WNK2: variants seen among roughly 807,000 people sequenced by gnomAD.
WNK2 encodes the protein serine/threonine-protein kinase WNK2.
A neutral mutation model predicts 192.1 loss-of-function variants in WNK2; 67 were observed. The ratio of observed to expected loss-of-function variants is 0.35; its 90% CI spans 0.29 to 0.43. The LOEUF (loss-of-function observed/expected upper bound fraction) is 0.43. WNK2 is among the 20% of genes least tolerant of loss of function. WNK2 has a pLI of 1.00. For synonymous variants in WNK2, 1,439 were observed against 1,393.9 expected, an observed-to-expected ratio of 1.03 and a Z score of -0.72; for missense variants, 2,698 against 3,089.7, an observed-to-expected ratio of 0.87 and a Z score of 3.01.
intron 5 of WNK2, among the ~76,000 whole-genome samples, chr9:93,235,232 C>T (rs918721734): frequency 1.3e-5 from 2 of 152,162 alleles, no homozygotes; most frequent in East Asian, 1.9e-4. Flanking sequence ...TGGAGGCTGT[C>T]GCTCTCACAG....
chr9:93,272,903 G>A (rs895530669), intron 19 of WNK2, among the ~76,000 whole-genome samples: 7 of 152,054 alleles, frequency 4.6e-5, no homozygotes, highest in South Asian at 4.1e-4. Flanking sequence ...GTTTTAACAC[G>A]TCAATTAAAA....
At chr9:93,286,561 T>A (rs1054056523) in intron 19 of WNK2, among the ~76,000 whole-genome samples, 2 of 152,218 alleles carry the variant, frequency 1.3e-5, no homozygotes, top group African/African-American at 4.8e-5. Context: ...TGCAGTGTGG[T>A]GTGAGTGTAA....
chr9:93,264,722 C>A (rs1345624636), intron 16 of WNK2, among the ~76,000 whole-genome samples: 1 of 152,220 alleles, frequency 6.6e-6, no homozygotes, highest in Admixed American at 6.5e-5. Flanking sequence ...TCTCCCCAGA[C>A]CATTATTCCT....
In WNK2 at chr9:93,263,714, C is replaced by T; in HGVS notation, c.3559C>T (p.Pro1187Ser). The T allele has an allele frequency of 6.6e-7, 1 of 1,518,628 alleles. No homozygotes were observed. Among genetic ancestry groups the T allele is most frequent in the Non-Finnish European group, 8.8e-7 (1 of 1,137,676 alleles). 94.1% of individuals were successfully genotyped at this position (1,518,628 alleles called of 1,614,324 possible). The part of the protein sequence containing the change: ...ARSRQERASR[P>S]RLTILNVCNT... ...CTCCCGGCAGGAGAGGGCCAGCCGG[C>T]CCCGGCTTACCATCTTGAACGTGAG... Residue 1187 changes from proline to serine, a missense_variant, in exon 15 of 30, where the codon CCC becomes TCC. Physicochemically the swap from Pro to Ser is moderately conservative, Grantham distance 74. Coordinates refer to ENST00000427277, the MANE Select transcript of WNK2 (RefSeq NM_006648.4).
At position 93,267,888 on chromosome 9, in the gene WNK2, T is replaced by C; in HGVS notation, c.3839T>C (p.Leu1280Pro). ...GACCCAGGGACCAGCCCGCCACACC[T>C]CAGCACCTGCGGCCTGGGCACCGGG... ...GSDPGTSPPH[L>P]STCGLGTGEE... is the part of the protein sequence containing the mutation. The change falls in exon 17 of 30, where the codon CTC (leucine) becomes CCC (proline). Residue 1280 changes from leucine to proline, a missense_variant. Transcript: ENST00000427277. 1 of 1,612,754 alleles carries C rather than the reference T, an allele frequency of 6.2e-7. No individual in the cohort carries two copies. Among genetic ancestry groups the C allele is most frequent in the Non-Finnish European group, 8.5e-7 (1 of 1,179,568 alleles).
At chr9:93,233,583 A>G (rs1588078433) in intron 4 of WNK2, among the ~76,000 whole-genome samples, 1 of 151,800 alleles carries the variant, frequency 6.6e-6, no homozygotes. Context: ...CTGTAGTCCC[A>G]GCTACTTGGG....
chr9:93,217,713 C>T (rs751080843), intron 2 of WNK2, among the ~76,000 whole-genome samples: 3 of 152,212 alleles, frequency 2.0e-5, no homozygotes, highest in South Asian at 4.1e-4. Flanking sequence ...CAGCCTGGTG[C>T]CATTCCTGGC....
At chr9:93,262,752 G>A (rs760193060) in intron 14 of WNK2, 33 bp downstream of exon 14, 2 of 1,609,292 alleles carry the variant, frequency 1.2e-6, no homozygotes, top group Non-Finnish European at 8.5e-7. Flanking sequence ...TCGCAGGACG[G>A]GTGTAGGGGC....
intron 2 of WNK2, among the ~76,000 whole-genome samples, chr9:93,210,842 G>A (rs1010044336): frequency 5.9e-5 from 9 of 152,138 alleles, no homozygotes; most frequent in Admixed American, 1.3e-4. Context: ...ACATAGACCG[G>A]CCCTCCTTTG....
chr9:93,297,943 C>A lies in WNK2; in HGVS notation c.5799C>A (p.Asn1933Lys). 1.3e-6 allele frequency: 2 copies of A among 1,587,432 alleles called. No individual in the cohort carries two copies. Among genetic ancestry groups the A allele is most frequent in the Non-Finnish European group, 1.7e-6 (2 of 1,168,040 alleles). The change falls in exon 24 of 30, where the codon AAC becomes AAA. Residue 1933 changes from asparagine to lysine, a missense_variant. Physicochemically the swap from Asn to Lys is moderately conservative, Grantham distance 94. Around this residue, in one of 7 missense-constraint regions of WNK2, gnomAD observed 1,098 missense variants for 1,101.0 expected, o/e 1.00. Coordinates refer to ENST00000427277, the MANE Select transcript of WNK2 (RefSeq NM_006648.4). ...YRRLGKPLPP[N>K]VGFFHTAPPT... ...GCCTGGGCAAGCCACTGCCCCCCAACGTGGGCTTCTTCCACACGGCACCCC... is the reference window on the plus strand; with the variant it reads ...GCCTGGGCAAGCCACTGCCCCCCAAAGTGGGCTTCTTCCACACGGCACCCC...
intron 28 of WNK2, 138 bp downstream of exon 28, chr9:93,308,722 C>T (rs1853081249): frequency 8.0e-6 from 11 of 1,373,590 alleles, no homozygotes; most frequent in Middle Eastern, 2.6e-4. Context: ...TCCCCACAGC[C>T]CCAAGAACTA....
chr9:93,268,798 T>C, intron 19 of WNK2, 52 bp downstream of exon 19: 3 of 1,588,862 alleles, frequency 1.9e-6, no homozygotes, highest in Non-Finnish European at 2.6e-6. Flanking sequence ...TGTACAGGCC[T>C]CCTTCTGTGC....
intron 2 of WNK2, among the ~76,000 whole-genome samples, chr9:93,206,210 T>C (rs1364275572): frequency 6.6e-6 from 1 of 152,198 alleles, no homozygotes; most frequent in Non-Finnish European, 1.5e-5. Flanking sequence ...GCGTGTCTTT[T>C]TCCTAACATG....
chr9:93,299,422 T>C (rs1851205175), intron 25 of WNK2, among the ~76,000 whole-genome samples, 161 bp downstream of exon 25: 1 of 151,780 alleles, frequency 6.6e-6, no homozygotes, highest in Non-Finnish European at 1.5e-5. Context: ...GTGTAGTCTT[T>C]GGATGAAAGG....
At chr9:93,201,323 G>A (rs1033600393) in intron 2 of WNK2, among the ~76,000 whole-genome samples, 1 of 152,274 alleles carries the variant, frequency 6.6e-6, no homozygotes, top group African/African-American at 2.4e-5. Flanking sequence ...GGCTGGAGGA[G>A]CAGGGGGAGT....
intron 13 of WNK2, 50 bp from the exon 14 acceptor site, chr9:93,262,620 A>G: frequency 2.5e-6 from 4 of 1,600,266 alleles, no homozygotes; most frequent in Non-Finnish European, 3.4e-6. Flanking sequence ...GCCCACAGGG[A>G]GGCGGGAGTC....
intron 21 of WNK2, 32 bp downstream of exon 21, chr9:93,290,079 A>C (rs1849086648): frequency 6.5e-7 from 1 of 1,549,190 alleles, no homozygotes; most frequent in Non-Finnish European, 8.7e-7. Flanking sequence ...CTGCGTTCAC[A>C]AGGTGCTGCC....
intron 26 of WNK2, among the ~76,000 whole-genome samples, chr9:93,306,336 G>A (rs538548961): frequency 5.9e-5 from 9 of 152,302 alleles, no homozygotes; most frequent in East Asian, 1.9e-4. Context: ...GATGGGCTTC[G>A]GCGGCCAAGC....
chr9:93,261,871 G>T lies in WNK2; in HGVS notation c.3124G>T (p.Val1042Leu). The change falls in exon 13 of 30, where the codon GTG becomes TTG. Residue 1042 changes from valine (V) to leucine (L), a missense_variant. Transcript: ENST00000427277. ...AVDVAAQVPT[V>L]PVPPAAVLSP... ...GGACGTCGCCGCTCAGGTCCCCACC[G>T]TGCCTGTGCCACCGGCTGCGGTCCT... is the stretch of plus-strand genomic sequence containing the variant. 6.2e-7 allele frequency: 1 copy of T among 1,600,944 alleles called. No homozygotes were observed. Among genetic ancestry groups the T allele is most frequent in the Non-Finnish European group, 8.5e-7 (1 of 1,179,506 alleles).
Sources: gnomAD v4.1 joint callset for allele counts (sites outside exome capture counted in the v4.1 genomes callset) on GRCh38, gnomAD v4.1.1 for gene constraint, gnomAD v4.1.1 regional missense constraint, MANE v1.5 for transcripts, NCBI Gene and HGNC (gene_info 2026-07-23, HGNC 2026-07-21) for gene names.